The following CTNNA3 variants were observed in gnomAD, a reference collection of about 807,000 sequenced individuals.
CTNNA3 encodes catenin alpha-3.
In CTNNA3, 76 loss-of-function variants were observed where a neutral mutation model predicts 95.7. The observed-to-expected ratio is 0.79, with a 90% CI of 0.66 to 0.96. The LOEUF (loss-of-function observed/expected upper bound fraction) is 0.96, where lower values mean the gene tolerates loss of function less well. Ranked by LOEUF, CTNNA3 falls within the 40% of genes least tolerant of loss-of-function variation. The probability of loss-of-function intolerance (pLI) is 0.00; values close to 1 mark genes in which losing one functional copy is unlikely to be tolerated. For missense variants in CTNNA3, 1,191 were observed against 1,089.8 expected, an observed-to-expected ratio of 1.09 and a Z score of -1.31; for synonymous variants, 431 against 374.4, an observed-to-expected ratio of 1.15 and a Z score of -1.74.
chr10:66,426,957 T>A (rs1442674346), intron 11 of CTNNA3, among the ~76,000 whole-genome samples: 2 of 152,060 alleles, frequency 1.3e-5, no homozygotes, highest in Non-Finnish European at 1.5e-5. Flanking sequence ...ATTCCTCATT[T>A]ATATCATTCA....
intron 7 of CTNNA3, among the ~76,000 whole-genome samples, chr10:66,805,267 G>A (rs954113175): frequency 2.4e-4 from 36 of 151,574 alleles, no homozygotes; most frequent in East Asian, 1.8e-3. Flanking sequence ...AATCATAGCC[G>A]TGTGTACAAC....
rs71468879 is a variant in CTNNA3 at position 67,758,323 on chromosome 10, T to TATATAC, written c.-2+5110_-2+5111insGTATAT. On this transcript the variant is annotated intron_variant, in intron 1 of 17. Coordinates refer to the CTNNA3 transcript ENST00000684154. ...ACACACACATATATATAAATATATA[T>TATATAC]ACACACACACACACACACACACACA... Among the ~76,000 whole-genome samples the TATATAC allele has an allele frequency of 3.3e-3, 476 of 143,402 alleles. 1 individual carries two copies. Among genetic ancestry groups the TATATAC allele is most frequent in the African/African-American group, 0.011 (439 of 39,114 alleles). The allele number at this position is 143,402 out of a possible 152,430, so 94.1% of individuals were successfully genotyped here.
intron 7 of CTNNA3, among the ~76,000 whole-genome samples, chr10:67,036,852 G>T (rs1318673665): frequency 1.3e-5 from 2 of 151,702 alleles, no homozygotes; most frequent in Non-Finnish European, 2.9e-5. Context: ...TAGGATAAAA[G>T]CAAAATATAT....
At chr10:66,993,558 T>A (rs1402365388) in intron 7 of CTNNA3, among the ~76,000 whole-genome samples, 1 of 152,138 alleles carries the variant, frequency 6.6e-6, no homozygotes, top group Non-Finnish European at 1.5e-5. Flanking sequence ...CAACTATGAA[T>A]CTATAAATTT....
chr10:66,828,175 A>G (rs748919650), intron 7 of CTNNA3, among the ~76,000 whole-genome samples: 7 of 152,230 alleles, frequency 4.6e-5, no homozygotes, highest in African/African-American at 7.2e-5. Flanking sequence ...TGAGGAGAAA[A>G]GGTAAAAATT....
chr10:66,842,101 T>G (rs559509105), intron 7 of CTNNA3, among the ~76,000 whole-genome samples: 27 of 151,890 alleles, frequency 1.8e-4, no homozygotes, highest in African/African-American at 6.5e-4. Context: ...GCTAAATTCG[T>G]TTTTCTTTTT....
chr10:66,821,759 T>C lies in CTNNA3; in HGVS notation c.1048-46235A>G, dbSNP rs562443988. Among the ~76,000 whole-genome samples, 23 of 152,306 alleles carry C rather than the reference T, an allele frequency of 1.5e-4. No individual in the cohort carries two copies. The South Asian group carries it at 4.8e-3, about 32-fold the overall frequency. ...TCTTTTCTGTGAACACTCAGTCTGC[T>C]AGTATGCGCTTTTATCATCGTATTT... On this transcript the variant is annotated intron_variant, in intron 7 of 17. Coordinates refer to ENST00000433211, the MANE Select transcript of CTNNA3 (RefSeq NM_013266.4).
intron 12 of CTNNA3, among the ~76,000 whole-genome samples, chr10:66,309,628 G>C (rs1307097238): frequency 7.3e-6 from 1 of 136,762 alleles, no homozygotes; most frequent in Admixed American, 8.2e-5. Flanking sequence ...GGAGCTTGCA[G>C]TGAGCTGAGA....
intron 13 of CTNNA3, among the ~76,000 whole-genome samples, chr10:66,242,766 C>T (rs2132043296): frequency 6.6e-6 from 1 of 152,166 alleles, no homozygotes; most frequent in South Asian, 2.1e-4. Context: ...TCATTACTAA[C>T]AATAAAATTT....
chr10:66,578,074 C>A (rs1843062367), intron 10 of CTNNA3, among the ~76,000 whole-genome samples: 1 of 151,848 alleles, frequency 6.6e-6, no homozygotes, highest in African/African-American at 2.4e-5. Context: ...GTATTTTATT[C>A]TTTTTGTAGC....
intron 3 of CTNNA3, among the ~76,000 whole-genome samples, chr10:67,579,414 T>A (rs147132147): frequency 0.028 from 4,240 of 152,196 alleles, 76 homozygotes; most frequent in South Asian, 0.099. Context: ...TACTATTCCA[T>A]GGGGTATATG....
intron 5 of CTNNA3, among the ~76,000 whole-genome samples, chr10:67,515,936 A>G (rs1284203966): frequency 1.3e-5 from 2 of 152,080 alleles, no homozygotes; most frequent in Non-Finnish European, 2.9e-5. Context: ...AATTCCAGAT[A>G]CACATGTTCT....
chr10:66,131,161 C>T (rs756049391), intron 13 of CTNNA3, among the ~76,000 whole-genome samples: 5 of 151,946 alleles, frequency 3.3e-5, no homozygotes, highest in Non-Finnish European at 5.9e-5. Context: ...TGGTGCCTTT[C>T]CTACTGAAAC....
intron 7 of CTNNA3, among the ~76,000 whole-genome samples, chr10:66,790,364 G>A (rs868312913): frequency 2.6e-5 from 4 of 152,146 alleles, no homozygotes; most frequent in Middle Eastern, 6.8e-3. Context: ...AAGGAGAATC[G>A]CTTGAGGCAG....
At chr10:66,158,541 G>A (rs948107087) in intron 13 of CTNNA3, among the ~76,000 whole-genome samples, 4 of 152,070 alleles carry the variant, frequency 2.6e-5, no homozygotes, top group Admixed American at 6.6e-5. Flanking sequence ...TGCTGTTTTG[G>A]TGACTATGGC....
rs577298068 is a variant in CTNNA3, at chr10:66,842,167, C to T, written c.1048-66643G>A. Among the ~76,000 whole-genome samples, 47 of 151,756 alleles carry T rather than the reference C, an allele frequency of 3.1e-4. No individual in the cohort carries two copies. The South Asian group carries it at 9.6e-3, about 31-fold the overall frequency. On this transcript the variant is annotated intron_variant, in intron 7 of 17. Coordinates refer to ENST00000433211, the MANE Select transcript of CTNNA3 (RefSeq NM_013266.4). The stretch of plus-strand genomic sequence containing the variant: ...TATGTTGCCCAGGCTGGTCTTGAAC[C>T]TCAGGGCTCAAGCAATCCTCCTGCC...
At chr10:65,989,653 T>C (rs2078498875) in intron 15 of CTNNA3, among the ~76,000 whole-genome samples, 3 of 152,330 alleles carry the variant, frequency 2.0e-5, no homozygotes, top group Middle Eastern at 6.8e-3. Context: ...ATAGAATGTG[T>C]AATGATTAAG....
chr10:66,801,897 A>G (rs1251355685), intron 7 of CTNNA3, among the ~76,000 whole-genome samples: 1 of 151,766 alleles, frequency 6.6e-6, no homozygotes, highest in Admixed American at 6.6e-5. Context: ...TAGCAAAAGT[A>G]TAAATAAGTA....
chr10:66,420,835 A>AAATAAATAAATAAATTAATT (rs751801209), intron 11 of CTNNA3, among the ~76,000 whole-genome samples: 2,212 of 92,992 alleles, frequency 0.024, 33 homozygotes, highest in Middle Eastern at 0.046. Context: ...ATAAATAAAT[A>AAATAAATAAATAAATTAATT]AATAAAAAAC....
Sources: gnomAD v4.1 joint callset for allele counts (sites outside exome capture counted in the v4.1 genomes callset) on GRCh38, gnomAD v4.1.1 for gene constraint, MANE v1.5 for transcripts, NCBI Gene and HGNC (gene_info 2026-07-23, HGNC 2026-07-21) for gene names.